The following MYBPC1 variants were observed in gnomAD, a reference collection of about 807,000 sequenced individuals.
The protein encoded by MYBPC1 is myosin-binding protein C, slow-type.
Under a neutral mutation model 147.1 loss-of-function variants are expected in MYBPC1, and 52 were observed. That is an observed-to-expected ratio of 0.35 (90% CI 0.28 to 0.45). The LOEUF is 0.45. MYBPC1 is among the 20% of genes least tolerant of loss of function. The probability of loss-of-function intolerance (pLI) is 1.00; values close to 1 mark genes in which losing one functional copy is unlikely to be tolerated. For missense variants in MYBPC1, 1,228 were observed against 1,440.3 expected, an observed-to-expected ratio of 0.85 and a Z score of 2.39; for synonymous variants, 477 against 475.9, an observed-to-expected ratio of 1.00 and a Z score of -0.03.
At chr12:101,626,582 A>G (rs1348266308) in intron 3 of MYBPC1, among the ~76,000 whole-genome samples, 2 of 152,204 alleles carry the variant, frequency 1.3e-5, no homozygotes, top group Non-Finnish European at 2.9e-5. Flanking sequence ...GATTTTTAGC[A>G]TTCATTTTTT....
intron 2 of MYBPC1, among the ~76,000 whole-genome samples, chr12:101,616,563 T>A (rs825086): frequency 0.33 from 49,762 of 151,962 alleles, 8,355 homozygotes; most frequent in East Asian, 0.57. Context: ...TCTTACTGAT[T>A]CCATAAGTCA....
the MYBPC1 span, among the ~76,000 whole-genome samples, chr12:101,691,419 A>G: frequency 6.6e-6 from 1 of 152,114 alleles, no homozygotes; most frequent in Non-Finnish European, 1.5e-5. Context: ...TTCCAAACCA[A>G]TGAAAGTCCA....
chr12:101,626,088 CAAAAA>C (rs769008600), intron 3 of MYBPC1, among the ~76,000 whole-genome samples: 3 of 55,072 alleles, frequency 5.4e-5, no homozygotes, highest in African/African-American at 1.3e-4. Context: ...AACTCTGTCT[CAAAAA>C]AAAAAAAAAA....
In MYBPC1 at chr12:101,678,812, C is replaced by T. The variant is rs990296231; in HGVS notation, c.3246+574C>T. Among the ~76,000 whole-genome samples, 79 of 152,040 alleles carry T rather than the reference C, an allele frequency of 5.2e-4. 4 individuals are homozygous for T. The highest frequency in any genetic ancestry group is 1.5e-5 in the Non-Finnish European group (1 of 68,012). ...TCCCTGGGTGCAAGACAGAAAGTAC[C>T]CTAGAATTGGGAAAATTTATGAACT... On this transcript the variant is annotated intron_variant, in intron 28 of 31. Transcript: ENST00000361466.
downstream of MYBPC1, among the ~76,000 whole-genome samples, chr12:101,689,020 TAA>T (rs1481159258): frequency 6.7e-6 from 1 of 150,210 alleles, no homozygotes; most frequent in South Asian, 2.1e-4. Flanking sequence ...TTATAATGTA[TAA>T]GACTAGTATA....
chr12:101,672,723 C>T (rs907515771), intron 24 of MYBPC1, among the ~76,000 whole-genome samples: 1 of 152,044 alleles, frequency 6.6e-6, no homozygotes, highest in Non-Finnish European at 1.5e-5. Context: ...GTGGTGCGTG[C>T]CTGTAAACCC....
chr12:101,614,549 C>T lies in MYBPC1; in HGVS notation c.61+18C>T, dbSNP rs764307193. The T allele has an allele frequency of 5.6e-6, 9 of 1,612,848 alleles. No individual in the cohort carries two copies. The highest frequency in any genetic ancestry group is 4.4e-5 in the South Asian group (4 of 90,900). On this transcript the variant is annotated intron_variant, in intron 2 of 31. Transcript: ENST00000361466. ...CCCGGAAGGTGAGTAAAAACACTCA[C>T]TCACACACGTTTGGGCTGCAAATAC...
Position 101,652,022 on chromosome 12 carries a change from A to G in MYBPC1, c.1526+629A>G, listed in dbSNP as rs180690347. Among the ~76,000 whole-genome samples the G allele has an allele frequency of 5.9e-5, 9 of 152,366 alleles. No homozygotes were observed. The South Asian group carries it at 1.0e-3, about 18-fold the overall frequency. ...CAAATGGATTAACCGTCTCTAACCA[A>G]TAAGTGTCACAATGCCTTCCCACAA... On this transcript the variant is annotated intron_variant, in intron 16 of 31. Transcript: ENST00000361466.
At position 101,601,148 on chromosome 12, in the gene MYBPC1, C is replaced by T. The variant is rs114628800; in HGVS notation, c.25+6053C>T. Among the ~76,000 whole-genome samples the T allele has an allele frequency of 4.7e-3, 723 of 152,304 alleles. 9 individuals carry two copies. Among genetic ancestry groups the T allele is most frequent in the African/African-American group, 0.017 (693 of 41,574 alleles). ...AGCATACCAGTTAAGGAAAGCCAAACTGTGAAAAAGAAGAAAAGACTTTGT... is the reference window on the plus strand; with the variant it reads ...AGCATACCAGTTAAGGAAAGCCAAATTGTGAAAAAGAAGAAAAGACTTTGT... On this transcript the variant is annotated intron_variant, in intron 1 of 31. Coordinates refer to ENST00000361466, the MANE Select transcript of MYBPC1 (RefSeq NM_002465.4).
At chr12:101,669,502 CAG>C (rs1394968018) in intron 23 of MYBPC1, among the ~76,000 whole-genome samples, 1 of 152,226 alleles carries the variant, frequency 6.6e-6, no homozygotes, top group Non-Finnish European at 1.5e-5. Context: ...CGAACTCCAA[CAG>C]AGTCACCTAA....
chr12:101,650,981 G>A (rs944977045), intron 15 of MYBPC1: 3 of 483,080 alleles, frequency 6.2e-6, no homozygotes, highest in African/African-American at 3.9e-5. Context: ...TGAGTCTGCA[G>A]ATTTTGTGCA....
Position 101,636,687 on chromosome 12 carries a change from G to A in MYBPC1, c.624G>A (p.Glu208=). 6.2e-7 allele frequency: 1 copy of A among 1,613,700 alleles called. No homozygotes were observed. The highest frequency in any genetic ancestry group is 8.5e-7 in the Non-Finnish European group (1 of 1,179,656). The change falls in exon 10 of 32, where the codon GAG becomes GAA. Residue 208 remains glutamate, a synonymous_variant. Coordinates refer to ENST00000361466, the MANE Select transcript of MYBPC1 (RefSeq NM_002465.4). ...SAFKRSGEGQ[E]DAGELDFSGL... The stretch of plus-strand genomic sequence containing the variant: ...TTAACGACAGTGGAGAAGGTCAAGA[G>A]GATGCAGGAGAACTTGACTTTAGTG...
chr12:101,663,345 T>A (rs1896900301), intron 21 of MYBPC1, 81 bp from the exon 22 acceptor site: 4 of 1,218,184 alleles, frequency 3.3e-6, no homozygotes, highest in South Asian at 2.4e-5. Flanking sequence ...TTTATTTGTA[T>A]CCCCATTGGT....
chr12:101,611,143 G>A (rs936371612), intron 1 of MYBPC1, among the ~76,000 whole-genome samples: 8 of 152,118 alleles, frequency 5.3e-5, no homozygotes, highest in African/African-American at 9.7e-5. Context: ...TTTACAGGCC[G>A]GTATACATTT....
In MYBPC1 at chr12:101,678,345, G is replaced by A. The variant is rs1399014191; in HGVS notation, c.3246+107G>A. 6.7e-6 allele frequency: 10 copies of A among 1,489,118 alleles called. No individual in the cohort carries two copies. The Admixed American group carries it at 1.0e-4, about 15-fold the overall frequency. The allele number at this position is 1,489,118 out of a possible 1,614,324, so 92.2% of individuals were successfully genotyped here. A position where few individuals can be genotyped will look rare whatever the true frequency, so the allele number is the denominator to read the frequency against. On this transcript the variant is annotated intron_variant, in intron 28 of 31. Transcript: ENST00000361466. Reference sequence around the variant, plus strand: ...TCCAGCTGCTACTTGTGTCTTCCCAGGATGGGGGATTAGAAGGTGGTAGTG... The same window carrying A: ...TCCAGCTGCTACTTGTGTCTTCCCAAGATGGGGGATTAGAAGGTGGTAGTG...
chr12:101,617,270 C>T, intron 3 of MYBPC1, 27 bp downstream of exon 3: 1 of 1,611,500 alleles, frequency 6.2e-7, no homozygotes, highest in Non-Finnish European at 8.5e-7. Flanking sequence ...GAGAGTGAGG[C>T]TGAAGTCAAC....
downstream of MYBPC1, chr12:101,686,032 C>A (rs752500508): frequency 1.9e-5 from 3 of 157,760 alleles, no homozygotes; most frequent in Admixed American, 6.5e-5. Context: ...CAATGCACCA[C>A]GACTGGATCT....
intron 3 of MYBPC1, 70 bp downstream of exon 3, chr12:101,617,313 T>C (rs1421271720): frequency 1.3e-6 from 2 of 1,484,630 alleles, no homozygotes; most frequent in Non-Finnish European, 1.9e-6. Context: ...CAGTAATGAT[T>C]GTCATGGTGG....
intron 6 of MYBPC1, 51 bp downstream of exon 6, chr12:101,629,595 G>C (rs759168601): frequency 7.5e-7 from 1 of 1,326,058 alleles, no homozygotes; most frequent in Non-Finnish European, 1.1e-6. Context: ...AAGGTGAGCC[G>C]AGCACGGTGC....
Sources: gnomAD v4.1 joint callset for allele counts (sites outside exome capture counted in the v4.1 genomes callset) on GRCh38, gnomAD v4.1.1 for gene constraint, MANE v1.5 for transcripts, NCBI Gene and HGNC (gene_info 2026-07-23, HGNC 2026-07-21) for gene names.